The following STK32B variants were observed in gnomAD, a reference collection of about 807,000 sequenced individuals.
STK32B encodes serine/threonine-protein kinase 32B.
Under a neutral mutation model 52.6 loss-of-function variants are expected in STK32B, and 43 were observed. That is an observed-to-expected ratio of 0.82 (90% CI 0.64 to 1.05). The LOEUF (loss-of-function observed/expected upper bound fraction) is 1.05. STK32B is among the 50% of genes least tolerant of loss of function. The pLI is 0.00. For synonymous variants in STK32B, 238 were observed against 204.3 expected, an observed-to-expected ratio of 1.17 and a Z score of -1.41; for missense variants, 621 against 534.6, an observed-to-expected ratio of 1.16 and a Z score of -1.59.
In STK32B at chr4:5,453,536, C is replaced by T. The variant is rs1273577449; in HGVS notation, c.667-3271C>T. Among the ~76,000 whole-genome samples, 1 of 151,978 alleles carries T rather than the reference C, an allele frequency of 6.6e-6. No individual in the cohort carries two copies. Among genetic ancestry groups the T allele is most frequent in the Non-Finnish European group, 1.5e-5 (1 of 67,988 alleles). Reference sequence around the variant, plus strand: ...GTCCAGGGTCTTTGCACCTCCTTTTCAGGGTAGGGGTGGGACTGTTTTGGG... The same window carrying T: ...GTCCAGGGTCTTTGCACCTCCTTTTTAGGGTAGGGGTGGGACTGTTTTGGG... On this transcript the variant is annotated intron_variant, in intron 7 of 11. Coordinates refer to ENST00000282908, the MANE Select transcript of STK32B (RefSeq NM_018401.3). This position sits in a 1 kb window ranked among gnomAD's most constrained non-coding sequence, Gnocchi z 4.0.
In STK32B at chr4:5,398,227, T is replaced by C. The variant is rs768781989; in HGVS notation, c.455T>C (p.Ile152Thr). Residue 152 changes from isoleucine to threonine, a missense_variant, in exon 5 of 12, where the codon ATC (isoleucine) becomes ACC (threonine). Ile to Thr is a moderately conservative substitution (Grantham distance 89). Transcript: ENST00000282908. The surrounding 1 kb of genome is among the most constrained non-coding windows in gnomAD (Gnocchi z 4.9). ...TACAGAGACATCAAGCCAGACAATA[T>C]CCTGCTGGATGAACACGGTAAGCCT... ...IIHRDIKPDN[I>T]LLDEHGHVHI... 1 of 1,614,114 alleles carries C rather than the reference T, an allele frequency of 6.2e-7. No homozygotes were observed. The highest frequency in any genetic ancestry group is 1.7e-5 in the Admixed American group (1 of 60,014).
At position 5,069,258 on chromosome 4, in the gene STK32B, T is replaced by A. The variant is rs531448354; in HGVS notation, c.52+17343T>A. Among the ~76,000 whole-genome samples, 838 of 148,056 alleles carry A rather than the reference T, an allele frequency of 5.7e-3. 4 individuals are homozygous for A. Among genetic ancestry groups the A allele is most frequent in the African/African-American group, 0.02 (785 of 40,048 alleles). On this transcript the variant is annotated intron_variant, in intron 1 of 11. Coordinates refer to ENST00000282908, the MANE Select transcript of STK32B (RefSeq NM_018401.3). ...CCCAGGCTGGGGTACAGTGGCACAA[T>A]CTCGGCTCACTGCAAACTCCACCTC... is the stretch of plus-strand genomic sequence containing the variant.
chr4:5,338,326 T>C (rs374464579), intron 4 of STK32B, among the ~76,000 whole-genome samples: 2 of 152,334 alleles, frequency 1.3e-5, no homozygotes, highest in African/African-American at 4.8e-5. Context: ...ACTCAGTCAT[T>C]CACTAGTTTT....
intron 3 of STK32B, among the ~76,000 whole-genome samples, chr4:5,233,872 A>G (rs1393294713): frequency 6.6e-6 from 1 of 151,962 alleles, no homozygotes; most frequent in African/African-American, 2.4e-5. Flanking sequence ...CGTCTCCAAG[A>G]AAAAGGGTCT....
the STK32B span, among the ~76,000 whole-genome samples, chr4:5,026,616 T>C: frequency 6.6e-6 from 1 of 152,170 alleles, no homozygotes; most frequent in East Asian, 1.9e-4. Flanking sequence ...TTATTACAAT[T>C]CAAGGGGAGA....
intron 5 of STK32B, among the ~76,000 whole-genome samples, chr4:5,407,159 A>T (rs1476194816): frequency 1.3e-5 from 2 of 152,088 alleles, no homozygotes; most frequent in Non-Finnish European, 2.9e-5. Flanking sequence ...TCAAAATTCC[A>T]CATATCTCTA....
At chr4:5,490,409 T>A (rs1719623006) in intron 11 of STK32B, among the ~76,000 whole-genome samples, 3 of 152,062 alleles carry the variant, frequency 2.0e-5, no homozygotes, top group African/African-American at 4.8e-5. Context: ...GCCTGGCCTG[T>A]TAGGCAGTCT....
chr4:5,361,795 T>C (rs182759601), intron 4 of STK32B, among the ~76,000 whole-genome samples: 11 of 152,348 alleles, frequency 7.2e-5, no homozygotes, highest in Admixed American at 7.2e-4. Context: ...AATGGTGTAC[T>C]CTGGGAAGAC....
chr4:5,191,178 G>T (rs1165615449), intron 3 of STK32B, among the ~76,000 whole-genome samples: 2 of 152,050 alleles, frequency 1.3e-5, no homozygotes, highest in African/African-American at 4.8e-5. Context: ...GGGGGTCCAG[G>T]AAGTTCCTTA....
chr4:5,203,402 C>G (rs1722310218), intron 3 of STK32B, among the ~76,000 whole-genome samples: 1 of 152,124 alleles, frequency 6.6e-6, no homozygotes, highest in Non-Finnish European at 1.5e-5. Flanking sequence ...CCCTCCACAC[C>G]CACTGTAGCT....
At chr4:5,339,283 C>T (rs1363436001) in intron 4 of STK32B, among the ~76,000 whole-genome samples, 1 of 152,138 alleles carries the variant, frequency 6.6e-6, no homozygotes, top group Non-Finnish European at 1.5e-5. Context: ...CATGATAAAT[C>T]TCTGTTATAT....
chr4:5,338,534 C>T (rs1367967716), intron 4 of STK32B, among the ~76,000 whole-genome samples: 1 of 152,050 alleles, frequency 6.6e-6, no homozygotes, highest in Admixed American at 6.6e-5. Context: ...AACTAGAGTG[C>T]AATAGATAGA....
In STK32B at chr4:5,398,229, C is replaced by G; in HGVS notation, c.457C>G (p.Leu153Val). 1 of 1,614,070 alleles carries G rather than the reference C, an allele frequency of 6.2e-7. No homozygotes were observed. Among genetic ancestry groups the G allele is most frequent in the Non-Finnish European group, 8.5e-7 (1 of 1,180,012 alleles). ...IHRDIKPDNILLDEHGHVHIT... is the reference protein window; with the variant it reads ...IHRDIKPDNIVLDEHGHVHIT... Reference sequence around the variant, plus strand: ...CAGAGACATCAAGCCAGACAATATCCTGCTGGATGAACACGGTAAGCCTGC... The same window carrying G: ...CAGAGACATCAAGCCAGACAATATCGTGCTGGATGAACACGGTAAGCCTGC... Residue 153 changes from leucine to valine, a missense_variant, in exon 5 of 12, where the codon CTG (leucine) becomes GTG (valine). Transcript: ENST00000282908. The surrounding 1 kb of genome is among the most constrained non-coding windows in gnomAD (Gnocchi z 4.9).
intron 3 of STK32B, among the ~76,000 whole-genome samples, chr4:5,306,913 C>T (rs1483791233): frequency 1.3e-5 from 2 of 152,060 alleles, no homozygotes; most frequent in South Asian, 2.1e-4. Context: ...TTTTCCTGCA[C>T]ACAAAATTCT....
At chr4:5,472,031 G>A (rs1003621201) in intron 11 of STK32B, among the ~76,000 whole-genome samples, 5 of 152,162 alleles carry the variant, frequency 3.3e-5, no homozygotes, top group African/African-American at 9.7e-5. Flanking sequence ...GGAGAGAGAC[G>A]GTTCCTGCAA....
intron 3 of STK32B, among the ~76,000 whole-genome samples, chr4:5,255,884 C>T (rs1461708556): frequency 2.6e-5 from 4 of 152,134 alleles, no homozygotes; most frequent in Admixed American, 6.5e-5. Context: ...CTGCTGTGCA[C>T]ATTCTTATCC....
chr4:5,287,534 G>C (rs1728632032), intron 3 of STK32B, among the ~76,000 whole-genome samples: 1 of 151,986 alleles, frequency 6.6e-6, no homozygotes, highest in Admixed American at 6.5e-5. Context: ...CAATTTAAAA[G>C]ATGGACATGA....
chr4:5,150,955 C>T (rs955033457), intron 2 of STK32B, among the ~76,000 whole-genome samples: 8 of 152,130 alleles, frequency 5.3e-5, no homozygotes, highest in African/African-American at 1.7e-4. Context: ...ATACCACTTT[C>T]CCCCCATGTC....
At chr4:5,474,530 A>G (rs535416736) in intron 11 of STK32B, among the ~76,000 whole-genome samples, 2 of 152,348 alleles carry the variant, frequency 1.3e-5, no homozygotes, top group African/African-American at 4.8e-5. Flanking sequence ...TTAATCTGCA[A>G]AATGGAGAAA....
Sources: allele counts gnomAD v4.1 joint callset (sites outside exome capture counted in the v4.1 genomes callset), GRCh38; gene constraint gnomAD v4.1.1; non-coding constraint Gnocchi (gnomAD v3.1); transcripts MANE v1.5; gene names NCBI Gene and HGNC (gene_info 2026-07-23, HGNC 2026-07-21).